Variants in SYNDIG1 observed in about 807,000 individuals in gnomAD.
SYNDIG1 encodes synapse differentiation-inducing gene protein 1.
In SYNDIG1, 9 loss-of-function variants were observed where a neutral mutation model predicts 19.4. The ratio of observed to expected loss-of-function variants is 0.46; its 90% CI spans 0.28 to 0.81. The LOEUF is 0.81. SYNDIG1 is among the 30% of genes least tolerant of loss of function. The pLI is 0.12. For synonymous variants in SYNDIG1, 141 were observed against 145.9 expected (o/e 0.97, Z 0.24); for missense variants, 311 against 343.3 (o/e 0.91, Z 0.74).
At chr20:24,548,865 A>G (rs770132429) in intron 2 of SYNDIG1, among the ~76,000 whole-genome samples, 2 of 152,166 alleles carry the variant, frequency 1.3e-5, no homozygotes, top group Non-Finnish European at 2.9e-5. Flanking sequence ...ATAATCAGGT[A>G]TAGGAAGTTC....
At chr20:24,560,880 A>C (rs541229075) in intron 2 of SYNDIG1, among the ~76,000 whole-genome samples, 90 of 151,906 alleles carry the variant, frequency 5.9e-4, no homozygotes, top group Admixed American at 1.6e-3. Context: ...AAAAACAAAA[A>C]AAAAAAAGTG....
intron 1 of SYNDIG1, among the ~76,000 whole-genome samples, chr20:24,511,036 TTAA>T (rs1412147050): frequency 6.6e-6 from 1 of 152,228 alleles, no homozygotes; most frequent in African/African-American, 2.4e-5. Flanking sequence ...CTTGTCTCTT[TTAA>T]TAATGTATTT....
chr20:24,643,477 G>A (rs1378787881), intron 3 of SYNDIG1, among the ~76,000 whole-genome samples: 1 of 152,112 alleles, frequency 6.6e-6, no homozygotes, highest in African/African-American at 2.4e-5. Context: ...CAGCTAGAGT[G>A]CCGTGTTCAT....
chr20:24,505,281 G>A (rs1342665560), intron 1 of SYNDIG1, among the ~76,000 whole-genome samples: 3 of 152,188 alleles, frequency 2.0e-5, no homozygotes, highest in Non-Finnish European at 4.4e-5. Flanking sequence ...GCAGCCAGGG[G>A]AGCCCTGGGG....
At chr20:24,654,672 G>GGAAA (rs2059506856) in intron 3 of SYNDIG1, among the ~76,000 whole-genome samples, 1 of 150,098 alleles carries the variant, frequency 6.7e-6, no homozygotes, top group Non-Finnish European at 1.5e-5. Context: ...AAGGAAGGAA[G>GGAAA]GAAGGAAGGA....
intron 1 of SYNDIG1, among the ~76,000 whole-genome samples, chr20:24,495,023 A>G (rs1299940078): frequency 6.6e-6 from 1 of 152,212 alleles, no homozygotes; most frequent in East Asian, 1.9e-4. Context: ...ACTCAGTTAC[A>G]AGAACAGTCA....
chr20:24,482,872 A>G (rs936529480), intron 1 of SYNDIG1, among the ~76,000 whole-genome samples: 7 of 152,370 alleles, frequency 4.6e-5, no homozygotes, highest in African/African-American at 1.7e-4. Flanking sequence ...GAGAGTTTAA[A>G]TATTTATTCA....
At chr20:24,546,230 G>A (rs1382352080) in intron 2 of SYNDIG1, among the ~76,000 whole-genome samples, 4 of 152,186 alleles carry the variant, frequency 2.6e-5, no homozygotes. Context: ...CTAATGACTG[G>A]TTAGAAGTGT....
intron 3 of SYNDIG1, among the ~76,000 whole-genome samples, chr20:24,611,270 T>A (rs557693167): frequency 2.0e-5 from 3 of 152,264 alleles, no homozygotes; most frequent in African/African-American, 7.2e-5. Context: ...ATGACCTGCC[T>A]CTTTTTGGAA....
chr20:24,524,646 A>C (rs80129812), intron 1 of SYNDIG1, among the ~76,000 whole-genome samples: 2 of 135,274 alleles, frequency 1.5e-5, no homozygotes, highest in Non-Finnish European at 3.1e-5. Context: ...ACTCTGTCTC[A>C]AAAAAAAAAA....
At chr20:24,597,331 A>T (rs941775516) in intron 3 of SYNDIG1, among the ~76,000 whole-genome samples, 1 of 152,060 alleles carries the variant, frequency 6.6e-6, no homozygotes, top group Non-Finnish European at 1.5e-5. Flanking sequence ...CTGCTATACT[A>T]TTTCAGGACA....
chr20:24,611,518 G>A (rs1292512578), intron 3 of SYNDIG1, among the ~76,000 whole-genome samples: 1 of 151,900 alleles, frequency 6.6e-6, no homozygotes, highest in Non-Finnish European at 1.5e-5. Context: ...CCCATAGCTG[G>A]ACCATCCTCC....
intron 3 of SYNDIG1, among the ~76,000 whole-genome samples, chr20:24,594,915 G>A (rs1213569846): frequency 1.3e-5 from 2 of 152,176 alleles, no homozygotes; most frequent in Non-Finnish European, 2.9e-5. Context: ...GAGCTTTCGG[G>A]TAGAGACTAT....
At chr20:24,513,668 C>T (rs745421865) in intron 1 of SYNDIG1, among the ~76,000 whole-genome samples, 3 of 152,088 alleles carry the variant, frequency 2.0e-5, no homozygotes, top group Admixed American at 6.5e-5. Context: ...CTGAAAGTGA[C>T]GGGGAGAATG....
intron 1 of SYNDIG1, among the ~76,000 whole-genome samples, chr20:24,490,448 T>C (rs2056113580): frequency 6.6e-6 from 1 of 151,670 alleles, no homozygotes; most frequent in Non-Finnish European, 1.5e-5. Flanking sequence ...GGGGCTGGAG[T>C]GGGCAGTGGA....
chr20:24,480,685 A>G (rs1427937533), intron 1 of SYNDIG1, among the ~76,000 whole-genome samples: 1 of 152,254 alleles, frequency 6.6e-6, no homozygotes, highest in Non-Finnish European at 1.5e-5. Context: ...CCATTTTGAT[A>G]GTAACATTAT....
intron 3 of SYNDIG1, among the ~76,000 whole-genome samples, chr20:24,598,085 G>T (rs923585009): frequency 6.6e-6 from 1 of 152,214 alleles, no homozygotes; most frequent in Non-Finnish European, 1.5e-5. Flanking sequence ...TTTGAGTGCA[G>T]TAGGGGCCTG....
intron 3 of SYNDIG1, among the ~76,000 whole-genome samples, chr20:24,655,793 A>G (rs1008741541): frequency 2.1e-5 from 3 of 144,214 alleles, no homozygotes; most frequent in Non-Finnish European, 4.5e-5. Flanking sequence ...AAAAAAAAAG[A>G]CTAGAATGTT....
At chr20:24,612,202 G>A (rs1413063729) in intron 3 of SYNDIG1, among the ~76,000 whole-genome samples, 1 of 152,146 alleles carries the variant, frequency 6.6e-6, no homozygotes, top group Admixed American at 6.5e-5. Context: ...TTAGGAGCAC[G>A]GACGCCTCCC....
Sources: allele counts gnomAD v4.1 joint callset (sites outside exome capture counted in the v4.1 genomes callset), GRCh38; gene constraint gnomAD v4.1.1; transcripts MANE v1.5; gene names NCBI Gene and HGNC (gene_info 2026-07-23, HGNC 2026-07-21).